The following PLEKHH2 variants were observed in gnomAD, a reference collection of about 807,000 sequenced individuals.
PLEKHH2 encodes pleckstrin homology domain-containing family H member 2.
In PLEKHH2, 129 loss-of-function variants were observed where a neutral mutation model predicts 187.9. That is an observed-to-expected ratio of 0.69 (90% confidence interval 0.59 to 0.79). The LOEUF is 0.79. Ranked by LOEUF, PLEKHH2 falls within the 30% of genes least tolerant of loss-of-function variation. The probability of loss-of-function intolerance (pLI) is 0.00; values close to 1 mark genes in which losing one functional copy is unlikely to be tolerated. For synonymous variants in PLEKHH2, 686 were observed against 605.6 expected (o/e 1.13, Z -1.95); for missense variants, 2,076 against 1,751.2 (o/e 1.19, Z -3.31).
At chr2:43,655,706 GA>G (rs140793920) in intron 2 of PLEKHH2, among the ~76,000 whole-genome samples, 1 of 152,272 alleles carries the variant, frequency 6.6e-6, no homozygotes, top group African/African-American at 2.4e-5. Flanking sequence ...GTTGTGTGGG[GA>G]TGGGTTGGAA....
intron 2 of PLEKHH2, 145 bp downstream of exon 2, chr2:43,644,941 G>T (rs1666116376): frequency 1.3e-5 from 12 of 924,246 alleles, no homozygotes; most frequent in Non-Finnish European, 1.8e-5. Flanking sequence ...TTTTGCCAGT[G>T]TTAGGGTAGA....
At chr2:43,655,689 G>C (rs1433718014) in intron 2 of PLEKHH2, among the ~76,000 whole-genome samples, 1 of 152,168 alleles carries the variant, frequency 6.6e-6, no homozygotes, top group Non-Finnish European at 1.5e-5. Flanking sequence ...TACTTTGAAA[G>C]CCTAAGGTTG....
intron 4 of PLEKHH2, among the ~76,000 whole-genome samples, chr2:43,693,255 T>C (rs1668909208): frequency 6.6e-6 from 1 of 152,306 alleles, no homozygotes; most frequent in East Asian, 1.9e-4. Context: ...AGTATTTAAG[T>C]TGGGAACATT....
At chr2:43,682,884 G>A (rs991037894) in intron 3 of PLEKHH2, among the ~76,000 whole-genome samples, 7 of 151,696 alleles carry the variant, frequency 4.6e-5, no homozygotes, top group African/African-American at 1.2e-4. Context: ...ATTTATCCAC[G>A]TTGTAGCATG....
At position 43,678,899 on chromosome 2, in the gene PLEKHH2, C is replaced by A; in HGVS notation, c.160C>A (p.Arg54Ser). The A allele has an allele frequency of 1.2e-6, 2 of 1,608,660 alleles. No individual in the cohort carries two copies. The highest frequency in any genetic ancestry group is 2.2e-5 in the South Asian group (2 of 90,320). ...QLERQVIDAE[R>S]QAEKAFQQVQ... ...TGAGAGACAAGTTATTGATGCTGAACGTCAAGCAGAAAAAGCTTTTCAACA... is the reference window on the plus strand; with the variant it reads ...TGAGAGACAAGTTATTGATGCTGAAAGTCAAGCAGAAAAAGCTTTTCAACA... Residue 54 changes from arginine to serine, a missense_variant, in exon 3 of 30, where the codon CGT becomes AGT. Arg to Ser is a moderately radical substitution (Grantham distance 110). Coordinates refer to ENST00000282406, the MANE Select transcript of PLEKHH2 (RefSeq NM_172069.4).
chr2:43,740,885 C>G, intron 20 of PLEKHH2, 61 bp from the exon 21 acceptor site: 1 of 1,590,214 alleles, frequency 6.3e-7, no homozygotes, highest in Middle Eastern at 1.8e-4. Context: ...ATTGCACTCA[C>G]TCAGATGTGG....
At chr2:43,718,523 G>A (rs1188020278) in intron 15 of PLEKHH2, among the ~76,000 whole-genome samples, 2 of 151,040 alleles carry the variant, frequency 1.3e-5, no homozygotes, top group African/African-American at 2.4e-5. Context: ...GGGTGGCAGA[G>A]CGAGACTCCG....
intron 24 of PLEKHH2, among the ~76,000 whole-genome samples, chr2:43,747,786 G>A (rs997001017): frequency 4.1e-4 from 63 of 152,184 alleles, no homozygotes; most frequent in African/African-American, 1.4e-3. Context: ...TTATTGGAGT[G>A]GTACTCAGAG....
chr2:43,713,823 A>T (rs1173508314), intron 15 of PLEKHH2, among the ~76,000 whole-genome samples: 2 of 152,182 alleles, frequency 1.3e-5, no homozygotes, highest in East Asian at 3.8e-4. Flanking sequence ...AATTAGATGG[A>T]AAGTAACTAT....
chr2:43,640,807 C>G (rs6710830), intron 1 of PLEKHH2, among the ~76,000 whole-genome samples: 96,577 of 151,408 alleles, frequency 0.64, 31,829 homozygotes, highest in African/African-American at 0.77. Flanking sequence ...TTTTAAAGAT[C>G]GGGGTCTCCC....
chr2:43,764,944 G>C (rs1672565522), intron 29 of PLEKHH2, among the ~76,000 whole-genome samples: 1 of 152,200 alleles, frequency 6.6e-6, no homozygotes, highest in Admixed American at 6.5e-5. Flanking sequence ...TCAGATAAAA[G>C]AAATTACTTC....
At chr2:43,750,979 G>A (rs1049148830) in intron 24 of PLEKHH2, among the ~76,000 whole-genome samples, 1 of 152,214 alleles carries the variant, frequency 6.6e-6, no homozygotes, top group African/African-American at 2.4e-5. Context: ...ATGGGCTGGA[G>A]ACAGGCTGCC....
At position 43,699,713 on chromosome 2, in the gene PLEKHH2, T is replaced by C. The variant is rs376693252; in HGVS notation, c.755T>C (p.Leu252Ser). ...VLENNRGQRT[L>S]HQTPCGSEQN... ...GAAAACAACAGAGGCCAGAGAACAT[T>C]GCATCAAACCCCTTGTGGCTCAGAA... The change falls in exon 8 of 30, where the codon TTG becomes TCG. Residue 252 changes from leucine (L) to serine (S), a missense_variant. Transcript: ENST00000282406. The C allele has an allele frequency of 6.2e-7, 1 of 1,614,196 alleles. No individual in the cohort carries two copies. Among genetic ancestry groups the C allele is most frequent in the Non-Finnish European group, 8.5e-7 (1 of 1,180,026 alleles).
At chr2:43,720,851 C>G in intron 16 of PLEKHH2, 102 bp downstream of exon 16, 1 of 1,467,426 alleles carries the variant, frequency 6.8e-7, no homozygotes. Flanking sequence ...ACTTCAGAAT[C>G]TTTATGAGGT....
At chr2:43,651,054 A>C (rs1469227053) in intron 2 of PLEKHH2, among the ~76,000 whole-genome samples, 3 of 152,208 alleles carry the variant, frequency 2.0e-5, no homozygotes, top group Non-Finnish European at 4.4e-5. Context: ...AGTGTTCAGA[A>C]TTTATAATTT....
chr2:43,726,654 T>C (rs1000236797), intron 17 of PLEKHH2, among the ~76,000 whole-genome samples: 37 of 152,190 alleles, frequency 2.4e-4, no homozygotes, highest in African/African-American at 8.9e-4. Context: ...GTAAGAGTGG[T>C]ATCAAGGCTG....
intron 11 of PLEKHH2, among the ~76,000 whole-genome samples, chr2:43,709,151 T>C (rs1297879336): frequency 1.3e-5 from 2 of 152,242 alleles, no homozygotes; most frequent in Non-Finnish European, 2.9e-5. Flanking sequence ...TTTTATGTTA[T>C]AGCTGCTGGC....
At chr2:43,675,274 T>G in intron 2 of PLEKHH2, 2 of 665,018 alleles carry the variant, frequency 3.0e-6, no homozygotes, top group African/African-American at 1.8e-5. Flanking sequence ...ATATATGAAT[T>G]ATTGAATGAA....
chr2:43,706,242 C>T, intron 9 of PLEKHH2, 80 bp from the exon 10 acceptor site: 8 of 946,048 alleles, frequency 8.5e-6, no homozygotes, highest in Non-Finnish European at 1.4e-5. Flanking sequence ...GGAGATTATG[C>T]TCATTTGTAT....
Sources: gnomAD v4.1 joint callset for allele counts (sites outside exome capture counted in the v4.1 genomes callset) on GRCh38, gnomAD v4.1.1 for gene constraint, MANE v1.5 for transcripts, NCBI Gene and HGNC (gene_info 2026-07-23, HGNC 2026-07-21) for gene names.